The following FIP1L1 variants were observed in gnomAD, a reference collection of about 807,000 sequenced individuals.
The protein encoded by FIP1L1 is factor interacting with PAPOLA and CPSF1.
In FIP1L1, 21 loss-of-function variants were observed where a neutral mutation model predicts 84.6. That is an observed-to-expected ratio of 0.25 (90% CI 0.18 to 0.36). FIP1L1 has a LOEUF of 0.36. Among genes scored for constraint, FIP1L1 ranks in the 10% least tolerant of loss-of-function variants. FIP1L1 has a pLI of 1.00. For missense variants in FIP1L1, 526 were observed against 751.1 expected (o/e 0.70, Z 3.50); for synonymous variants, 263 against 242.3 (o/e 1.09, Z -0.80).
chr4:53,396,870 C>T (rs945120339), intron 9 of FIP1L1, among the ~76,000 whole-genome samples: 1 of 152,128 alleles, frequency 6.6e-6, no homozygotes, highest in Non-Finnish European at 1.5e-5. Flanking sequence ...TATTTTCTCC[C>T]TGTTGTGCAA....
Position 53,460,401 on chromosome 4 carries a change from A to C in FIP1L1, c.*952A>C, listed in dbSNP as rs1383788489. On this transcript the variant is annotated 3_prime_UTR_variant, in exon 18 of 18. Transcript: ENST00000337488. ...AAGAATAAATTACTAGGATCTTTTAAATAGTGATAATACAAAAGTAATCTT... is the reference window on the plus strand; with the variant it reads ...AAGAATAAATTACTAGGATCTTTTACATAGTGATAATACAAAAGTAATCTT... The C allele has an allele frequency of 5.3e-6, 1 of 188,750 alleles. No homozygotes were observed. Among genetic ancestry groups the C allele is most frequent in the African/African-American group, 2.3e-5 (1 of 42,684 alleles). The allele number at this position is 188,750 out of a possible 1,614,324, so 11.7% of individuals were successfully genotyped here. A position where few individuals can be genotyped will look rare whatever the true frequency, so the allele number is the denominator to read the frequency against.
chr4:53,432,944 A>C (rs1767421057), intron 13 of FIP1L1, among the ~76,000 whole-genome samples: 2 of 152,144 alleles, frequency 1.3e-5, no homozygotes, highest in African/African-American at 4.8e-5. Context: ...TAGGGAAGTT[A>C]GGGAGATTAT....
In FIP1L1 at chr4:53,452,019, G is replaced by A. The variant is rs185231548; in HGVS notation, c.1286-901G>A. Among the ~76,000 whole-genome samples, 668 of 151,918 alleles carry A rather than the reference G, an allele frequency of 4.4e-3. 5 individuals are homozygous for A. The highest frequency in any genetic ancestry group is 0.034 in the Middle Eastern group (10 of 294). On this transcript the variant is annotated intron_variant, in intron 15 of 17. Transcript: ENST00000337488. ...CTGCCTCAGCCTCCCGAGTAGCTGC[G>A]ATTACAGGCACCTGCCACCGCACCC...
chr4:53,395,950 CT>C (rs1490884598), intron 9 of FIP1L1, among the ~76,000 whole-genome samples: 1 of 150,370 alleles, frequency 6.7e-6, no homozygotes, highest in Non-Finnish European at 1.5e-5. Flanking sequence ...CAGAATTTCA[CT>C]CTTGTTGCCC....
At chr4:53,386,589 C>T (rs1050488097) in intron 5 of FIP1L1, among the ~76,000 whole-genome samples, 2 of 152,150 alleles carry the variant, frequency 1.3e-5, no homozygotes, top group Admixed American at 6.5e-5. Flanking sequence ...CCAGAGGTAA[C>T]ATTTGAACTT....
chr4:53,455,568 T>G (rs1250107282), intron 16 of FIP1L1, among the ~76,000 whole-genome samples: 1 of 152,092 alleles, frequency 6.6e-6, no homozygotes, highest in Non-Finnish European at 1.5e-5. Context: ...AACATGTACA[T>G]TTATTAAGTT....
intron 11 of FIP1L1, among the ~76,000 whole-genome samples, chr4:53,423,135 A>G (rs1420199433): frequency 6.6e-6 from 1 of 152,212 alleles, no homozygotes; most frequent in Non-Finnish European, 1.5e-5. Flanking sequence ...TCAAAATATG[A>G]TAATTTAATT....
intron 9 of FIP1L1, among the ~76,000 whole-genome samples, chr4:53,398,260 C>G (rs990873928): frequency 2.9e-4 from 44 of 152,206 alleles, no homozygotes; most frequent in African/African-American, 9.1e-4. Flanking sequence ...TTCCCATTGC[C>G]TTAGTGCCGA....
chr4:53,457,402 A>T (rs1299537274), intron 16 of FIP1L1, among the ~76,000 whole-genome samples: 1 of 152,184 alleles, frequency 6.6e-6, no homozygotes, highest in Non-Finnish European at 1.5e-5. Flanking sequence ...GTGGAAATAC[A>T]TATACAAATA....
At chr4:53,422,107 G>A (rs1358062810) in intron 11 of FIP1L1, among the ~76,000 whole-genome samples, 1 of 152,058 alleles carries the variant, frequency 6.6e-6, no homozygotes. Context: ...TTTTTGGTAG[G>A]AATTTTGGAG....
At chr4:53,410,360 T>TGTAAGAG (rs1756550230) in intron 10 of FIP1L1, among the ~76,000 whole-genome samples, 1 of 152,210 alleles carries the variant, frequency 6.6e-6, no homozygotes, top group Non-Finnish European at 1.5e-5. Context: ...CTCGTGTAGT[T>TGTAAGAG]GTAAGAGGAT....
At chr4:53,394,266 T>C (rs1746060739) in intron 9 of FIP1L1, among the ~76,000 whole-genome samples, 1 of 152,218 alleles carries the variant, frequency 6.6e-6, no homozygotes, top group African/African-American at 2.4e-5. Context: ...GTTAGTTATT[T>C]TTATCTTCTG....
intron 10 of FIP1L1, among the ~76,000 whole-genome samples, chr4:53,409,292 G>T (rs112584688): frequency 6.6e-6 from 1 of 152,180 alleles, no homozygotes; most frequent in African/African-American, 2.4e-5. Flanking sequence ...TACCAGCAGC[G>T]GTGGCTGCAG....
chr4:53,396,466 C>T (rs896136453), intron 9 of FIP1L1, among the ~76,000 whole-genome samples: 27 of 151,306 alleles, frequency 1.8e-4, no homozygotes, highest in African/African-American at 5.6e-4. Flanking sequence ...AGTTCAGTGG[C>T]GCGATCTTGG....
At chr4:53,457,895 C>T (rs1431560786) in intron 16 of FIP1L1, among the ~76,000 whole-genome samples, 1 of 152,090 alleles carries the variant, frequency 6.6e-6, no homozygotes, top group Non-Finnish European at 1.5e-5. Context: ...AGAAAGACCA[C>T]CCTCTAACTC....
chr4:53,402,704 AAAT>A (rs1164082327), intron 10 of FIP1L1, among the ~76,000 whole-genome samples: 2 of 152,194 alleles, frequency 1.3e-5, no homozygotes, highest in East Asian at 1.9e-4. Flanking sequence ...ACTGTCTAAA[AAAT>A]AATAATAATT....
chr4:53,406,005 T>C (rs1232234666), intron 10 of FIP1L1, among the ~76,000 whole-genome samples: 1 of 151,914 alleles, frequency 6.6e-6, no homozygotes, highest in African/African-American at 2.4e-5. Context: ...TTTATTTCCT[T>C]CTCCTGCCTA....
chr4:53,425,999 C>A, intron 12 of FIP1L1, 34 bp downstream of exon 12: 1 of 1,416,908 alleles, frequency 7.1e-7, no homozygotes, highest in Non-Finnish European at 9.9e-7. Flanking sequence ...TTTTCTTTAA[C>A]TGAAGGATGA....
chr4:53,390,428 A>G, intron 6 of FIP1L1, 93 bp from the exon 7 acceptor site: 4 of 724,130 alleles, frequency 5.5e-6, no homozygotes, highest in East Asian at 5.2e-5. Context: ...TGTGCCAGGA[A>G]TAGTAAAAAG....
Sources: gnomAD v4.1 joint callset for allele counts (sites outside exome capture counted in the v4.1 genomes callset) on GRCh38, gnomAD v4.1.1 for gene constraint, MANE v1.5 for transcripts, NCBI Gene and HGNC (gene_info 2026-07-23, HGNC 2026-07-21) for gene names.